Variants in MAP7 observed in about 807,000 individuals in gnomAD.
MAP7 encodes the protein ensconsin.
Under a neutral mutation model 94.8 loss-of-function variants are expected in MAP7, and 52 were observed. The observed-to-expected ratio is 0.55, with a 90% confidence interval of 0.44 to 0.69. The LOEUF is 0.69. Among genes scored for constraint, MAP7 ranks in the 30% least tolerant of loss-of-function variants. MAP7 has a pLI of 0.00. For synonymous variants in MAP7, 350 were observed against 357.0 expected (o/e 0.98, Z 0.22); for missense variants, 940 against 964.6 (o/e 0.97, Z 0.34).
chr6:136,390,004 A>T (rs1225136950), intron 3 of MAP7, among the ~76,000 whole-genome samples: 2 of 152,208 alleles, frequency 1.3e-5, no homozygotes, highest in Non-Finnish European at 2.9e-5. Flanking sequence ...TATCACATTG[A>T]GTCAGCTCAG....
intron 1 of MAP7, among the ~76,000 whole-genome samples, chr6:136,436,084 C>G (rs2128823412): frequency 6.6e-6 from 1 of 152,096 alleles, no homozygotes; most frequent in South Asian, 2.1e-4. Context: ...AAAAAACAAG[C>G]ACTATAAGAG....
At chr6:136,387,116 A>G (rs1017054594) in intron 5 of MAP7, among the ~76,000 whole-genome samples, 6 of 152,294 alleles carry the variant, frequency 3.9e-5, no homozygotes, top group Admixed American at 2.0e-4. Context: ...CTGATCCTAG[A>G]TTTTTAATTT....
chr6:136,366,460 T>C, intron 8 of MAP7, 21 bp from the exon 9 acceptor site: 1 of 1,528,308 alleles, frequency 6.5e-7, no homozygotes. Context: ...AGAAACTCAA[T>C]AGTTAGATTT....
chr6:136,481,139 A>G (rs12525991), intron 1 of MAP7, among the ~76,000 whole-genome samples: 3,108 of 152,312 alleles, frequency 0.02, 110 homozygotes, highest in East Asian at 0.14. Flanking sequence ...GTGAGGATGT[A>G]GAGAAAAGGA....
intron 1 of MAP7, among the ~76,000 whole-genome samples, chr6:136,453,183 T>G (rs1037702792): frequency 2.0e-5 from 3 of 152,236 alleles, no homozygotes; most frequent in African/African-American, 4.8e-5. Context: ...GGAAAAGTTA[T>G]GTTTTCCCCC....
intron 1 of MAP7, chr6:136,526,652 C>A (rs1057194835): frequency 6.1e-6 from 6 of 985,434 alleles, no homozygotes; most frequent in East Asian, 2.3e-4. Context: ...AGCGGCAGCG[C>A]AGCAGGATGG....
At chr6:136,408,024 G>A (rs117809872) in intron 3 of MAP7, among the ~76,000 whole-genome samples, 6 of 152,228 alleles carry the variant, frequency 3.9e-5, no homozygotes, top group East Asian at 1.9e-4. Flanking sequence ...ACTGCCTTCC[G>A]AGTAGCTGGA....
chr6:136,381,428 C>T lies in MAP7; in HGVS notation c.637+2243G>A, dbSNP rs971837418. 3.3e-5 allele frequency among the ~76,000 whole-genome samples: 5 copies of T among 152,124 alleles called. No homozygotes were observed. The South Asian group carries it at 6.2e-4, about 19-fold the overall frequency. On this transcript the variant is annotated intron_variant, in intron 6 of 17. Transcript: ENST00000354570. ...TCCTGGGGCTCAAATGATTCACCCA[C>T]TTTGGCCTCCCAAAGTGCTGGAAAT...
chr6:136,532,009 C>T (rs1393743662), intron 1 of MAP7, among the ~76,000 whole-genome samples: 2 of 152,160 alleles, frequency 1.3e-5, no homozygotes, highest in Non-Finnish European at 2.9e-5. Flanking sequence ...TCAGTTTATT[C>T]CCACTGAATA....
chr6:136,370,903 T>C lies in MAP7; in HGVS notation c.876+1598A>G, dbSNP rs912832931. Among the ~76,000 whole-genome samples the C allele has an allele frequency of 8.6e-5, 4 of 46,632 alleles. No individual in the cohort carries two copies. The Admixed American group carries it at 1.1e-3, about 13-fold the overall frequency. 30.6% of individuals were successfully genotyped at this position (46,632 alleles called of 152,430 possible). ...TTAAAATGGTAAATTTTACGTTACA[T>C]GCTTTTTTTTTTTTTTAACACAACT... On this transcript the variant is annotated intron_variant, in intron 8 of 17. Coordinates refer to ENST00000354570, the MANE Select transcript of MAP7 (RefSeq NM_003980.6).
chr6:136,440,290 T>C (rs962892889), intron 1 of MAP7, among the ~76,000 whole-genome samples: 1 of 152,192 alleles, frequency 6.6e-6, no homozygotes, highest in African/African-American at 2.4e-5. Flanking sequence ...TAGAAATACA[T>C]AATTAAAACG....
At chr6:136,489,197 T>C (rs1477394826) in intron 1 of MAP7, among the ~76,000 whole-genome samples, 1 of 152,150 alleles carries the variant, frequency 6.6e-6, no homozygotes, top group East Asian at 1.9e-4. Context: ...GATTTCATAA[T>C]TCACCTTGCC....
chr6:136,512,091 T>C (rs925501912), intron 1 of MAP7, among the ~76,000 whole-genome samples: 1 of 152,248 alleles, frequency 6.6e-6, no homozygotes. Context: ...AGGGTGGTGA[T>C]TGATCTGATA....
chr6:136,503,011 T>C (rs1583081441), intron 1 of MAP7, among the ~76,000 whole-genome samples: 1 of 152,206 alleles, frequency 6.6e-6, no homozygotes, highest in East Asian at 1.9e-4. Flanking sequence ...CAGTCATGGA[T>C]AGCTAACTCC....
chr6:136,526,200 AG>A, intron 1 of MAP7: 1 of 1,222,956 alleles, frequency 8.2e-7, no homozygotes, highest in Non-Finnish European at 1.0e-6. Context: ...CTCCCCTACC[AG>A]CCCCCTCCCA....
At chr6:136,453,812 G>A (rs929440780) in intron 1 of MAP7, among the ~76,000 whole-genome samples, 10 of 152,150 alleles carry the variant, frequency 6.6e-5, no homozygotes, top group African/African-American at 2.4e-4. Flanking sequence ...TATTTAAAAA[G>A]CAACTGAGTG....
chr6:136,349,652 G>A (rs1231145495), intron 16 of MAP7, among the ~76,000 whole-genome samples: 5 of 152,162 alleles, frequency 3.3e-5, no homozygotes, highest in African/African-American at 4.8e-5. Flanking sequence ...GATTACAGGC[G>A]TGAGCCACCA....
intron 1 of MAP7, among the ~76,000 whole-genome samples, chr6:136,431,993 G>A (rs1387903616): frequency 1.3e-5 from 2 of 152,088 alleles, no homozygotes; most frequent in African/African-American, 2.4e-5. Flanking sequence ...TTTGAATGTC[G>A]ATGTGATGCT....
Position 136,389,436 on chromosome 6 carries a change from C to T in MAP7, c.326G>A (p.Arg109Lys), listed in dbSNP as rs1383636120. 6.2e-7 allele frequency: 1 copy of T among 1,602,778 alleles called. No homozygotes were observed. ...CTCCTTCTGCCTCTGCTCCTCCAAC[C>T]TCTTCTTCCGCTCTTCCAGGTGCTT... ...YEKHLEERKK[R>K]LEEQRQKEER... Residue 109 changes from arginine to lysine, a missense_variant, in exon 4 of 18, where the codon AGG (arginine) becomes AAG (lysine). By Grantham distance (26) the Arg-to-Lys change is conservative. Transcript: ENST00000354570.
Sources: allele counts gnomAD v4.1 joint callset (sites outside exome capture counted in the v4.1 genomes callset), GRCh38; gene constraint gnomAD v4.1.1; transcripts MANE v1.5; gene names NCBI Gene and HGNC (gene_info 2026-07-23, HGNC 2026-07-21).